The following TRIM33 variants were observed in gnomAD, a reference collection of about 807,000 sequenced individuals.
TRIM33 encodes tripartite motif containing 33, also known as E3 ubiquitin-protein ligase TRIM33.
TRIM33 carries 20 observed loss-of-function variants against 125.4 expected under a neutral mutation model. The ratio of observed to expected loss-of-function variants is 0.16; its 90% CI spans 0.11 to 0.23. The LOEUF (loss-of-function observed/expected upper bound fraction) is 0.23. Ranked by LOEUF, TRIM33 falls within the 10% of genes least tolerant of loss-of-function variation. The pLI is 1.00. For missense variants in TRIM33, 920 were observed against 1,411.4 expected, an observed-to-expected ratio of 0.65 and a Z score of 5.58; for synonymous variants, 564 against 513.9, an observed-to-expected ratio of 1.10 and a Z score of -1.32.
intron 1 of TRIM33, among the ~76,000 whole-genome samples, chr1:114,465,621 T>A (rs1266566718): frequency 6.6e-6 from 1 of 152,052 alleles, no homozygotes; most frequent in Non-Finnish European, 1.5e-5. Flanking sequence ...GACAACATAG[T>A]GAGACGCCAT....
At chr1:114,433,311 C>T (rs929604983) in intron 5 of TRIM33, among the ~76,000 whole-genome samples, 2 of 152,144 alleles carry the variant, frequency 1.3e-5, no homozygotes, top group Non-Finnish European at 2.9e-5. Flanking sequence ...GTATCTTCCA[C>T]ACAATCTCCA....
Position 114,405,472 on chromosome 1 carries a change from G to A in TRIM33, c.2706C>T (p.Cys902=), listed in dbSNP as rs772276706. The A allele has an allele frequency of 6.2e-5, 100 of 1,613,832 alleles. No individual in the cohort carries two copies. The highest frequency in any genetic ancestry group is 3.3e-4 in the Middle Eastern group (2 of 6,082). ...GATGAAAGACCTTTGGACATTTTTC[G>A]CAGCACAAGAGATCTCCTCCGTTTT... ...VCQNGGDLLC[C]EKCPKVFHLT... is the part of the protein sequence containing the mutation. Residue 902 remains cysteine, a synonymous_variant, in exon 15 of 20, where the codon TGC becomes TGT. Transcript: ENST00000358465.
At chr1:114,436,716 C>T (rs1310274103) in intron 4 of TRIM33, among the ~76,000 whole-genome samples, 1 of 152,046 alleles carries the variant, frequency 6.6e-6, no homozygotes, top group Non-Finnish European at 1.5e-5. Context: ...CCGCCCACCT[C>T]GACCTCCCAA....
chr1:114,510,443 G>C (rs1324481938), intron 1 of TRIM33, 108 bp downstream of exon 1: 2 of 1,098,054 alleles, frequency 1.8e-6, no homozygotes, highest in Non-Finnish European at 2.4e-6. Context: ...GACCCCTCGG[G>C]ATGGCGCCCG....
intron 17 of TRIM33, among the ~76,000 whole-genome samples, chr1:114,400,960 T>C (rs931687183): frequency 2.6e-5 from 4 of 151,744 alleles, no homozygotes; most frequent in African/African-American, 9.7e-5. Flanking sequence ...AAAACTTGAG[T>C]CTTAGAGAGG....
rs535350659 is a variant in TRIM33, at chr1:114,434,097, C to T, written c.924-364G>A. ...AATACTATAAAAGGAAGGGAAATCACCCATAGTTCCAACATCACAAAATTA... is the reference window on the plus strand; with the variant it reads ...AATACTATAAAAGGAAGGGAAATCATCCATAGTTCCAACATCACAAAATTA... On this transcript the variant is annotated intron_variant, in intron 4 of 19. Transcript: ENST00000358465. Among the ~76,000 whole-genome samples, 3 of 152,248 alleles carry T rather than the reference C, an allele frequency of 2.0e-5. No individual in the cohort carries two copies. In the East Asian group the frequency reaches 5.8e-4, roughly 29 times the overall value.
intron 1 of TRIM33, among the ~76,000 whole-genome samples, chr1:114,503,372 T>C (rs1274702925): frequency 6.6e-6 from 1 of 152,050 alleles, no homozygotes; most frequent in Non-Finnish European, 1.5e-5. Context: ...TCCCAGCTAC[T>C]TGGGAGGCTG....
At chr1:114,405,843 T>C (rs1652197419) in intron 14 of TRIM33, 84 bp from the exon 15 acceptor site, 7 of 1,168,642 alleles carry the variant, frequency 6.0e-6, no homozygotes, top group Non-Finnish European at 6.1e-6. Context: ...TATGTGAATA[T>C]GCATATAGAT....
intron 18 of TRIM33, 79 bp from the exon 19 acceptor site, chr1:114,398,069 C>T (rs995882447): frequency 1.6e-5 from 24 of 1,486,078 alleles, no homozygotes; most frequent in East Asian, 1.1e-4. Flanking sequence ...ATAGGATTGG[C>T]GACGAAAAGT....
At chr1:114,501,314 T>C (rs891655935) in intron 1 of TRIM33, among the ~76,000 whole-genome samples, 8 of 152,132 alleles carry the variant, frequency 5.3e-5, no homozygotes, top group Non-Finnish European at 7.3e-5. Context: ...GAAAGCTTGA[T>C]TAGGATAGAG....
At chr1:114,468,304 C>T (rs373326105) in intron 1 of TRIM33, 66 of 273,880 alleles carry the variant, frequency 2.4e-4, no homozygotes, top group African/African-American at 1.4e-3. Context: ...CTAGCCCATT[C>T]GAGCTGCAGC....
chr1:114,443,385 AAATG>A (rs372157103), intron 4 of TRIM33, among the ~76,000 whole-genome samples: 2,146 of 149,948 alleles, frequency 0.014, 26 homozygotes, highest in African/African-American at 0.035. Context: ...CTCCATCTCA[AAATG>A]AATGAATGAA....
intron 11 of TRIM33, among the ~76,000 whole-genome samples, chr1:114,411,395 A>C (rs1652580173): frequency 6.6e-6 from 1 of 152,164 alleles, no homozygotes; most frequent in Admixed American, 6.5e-5. Flanking sequence ...TGGAGGGATA[A>C]TCAAAGGACA....
chr1:114,413,578 AGAAAAGAAAAAGACTTTTTCT>A lies in TRIM33; in HGVS notation c.2062-3283_2062-3263del, dbSNP rs1375341705. On this transcript the variant is annotated intron_variant, in intron 11 of 19. Coordinates refer to ENST00000358465, the MANE Select transcript of TRIM33 (RefSeq NM_015906.4). ...CATCTCAAAAAAAAAAAAAAAGAAA[AGAAAAGAAAAAGACTTTTTCT>A]GAAAAGAAAAAGTCCAAAAGCAAAA... Among the ~76,000 whole-genome samples, 757 of 132,224 alleles carry A rather than the reference AGAAAAGAAAAAGACTTTTTCT, an allele frequency of 5.7e-3. 9 individuals are homozygous for A. The highest frequency in any genetic ancestry group is 0.021 in the African/African-American group (641 of 31,018). The allele number at this position is 132,224 out of a possible 152,430, so 86.7% of individuals were successfully genotyped here.
chr1:114,510,717 C>T lies in TRIM33; in HGVS notation c.360G>A (p.Ser120=), dbSNP rs1187959700. 1.4e-5 allele frequency: 21 copies of T among 1,535,904 alleles called. No individual in the cohort carries two copies. Among genetic ancestry groups the T allele is most frequent in the Non-Finnish European group, 1.7e-5 (20 of 1,146,354 alleles). The part of the protein sequence containing the change: ...SAGPPPGPPA[S]LLDTCAVCQQ... ...GACACACGGCGCAGGTGTCCAGGAG[C>T]GAGGCTGGCGGTCCAGGAGGCGGCC... The change falls in exon 1 of 20, where the codon TCG becomes TCA. Residue 120 remains serine (S), a synonymous_variant. Coordinates refer to ENST00000358465, the MANE Select transcript of TRIM33 (RefSeq NM_015906.4).
intron 1 of TRIM33, among the ~76,000 whole-genome samples, chr1:114,506,625 C>T (rs1653020816): frequency 6.6e-6 from 1 of 152,044 alleles, no homozygotes; most frequent in South Asian, 2.1e-4. Flanking sequence ...GCCTCAGCCT[C>T]CTGAGTAGCA....
intron 4 of TRIM33, among the ~76,000 whole-genome samples, chr1:114,459,274 A>G (rs944779772): frequency 1.7e-4 from 26 of 152,184 alleles, no homozygotes; most frequent in East Asian, 1.9e-4. Flanking sequence ...TGAGATGATC[A>G]CAAACGATCA....
At chr1:114,440,041 T>C (rs1648559720) in intron 4 of TRIM33, among the ~76,000 whole-genome samples, 1 of 152,092 alleles carries the variant, frequency 6.6e-6, no homozygotes, top group Non-Finnish European at 1.5e-5. Flanking sequence ...CCTATACCAC[T>C]ACAAAGCAGA....
chr1:114,500,418 A>T (rs1652641677), intron 1 of TRIM33, among the ~76,000 whole-genome samples: 1 of 152,110 alleles, frequency 6.6e-6, no homozygotes, highest in African/African-American at 2.4e-5. Flanking sequence ...AGCACATTAC[A>T]GCTTCAAACT....
Sources: allele counts gnomAD v4.1 joint callset (sites outside exome capture counted in the v4.1 genomes callset), GRCh38; gene constraint gnomAD v4.1.1; transcripts MANE v1.5; gene names NCBI Gene and HGNC (gene_info 2026-07-23, HGNC 2026-07-21).